The following LRP1B variants were observed in gnomAD, a reference collection of about 807,000 sequenced individuals.
LRP1B encodes low-density lipoprotein receptor-related protein 1B.
In LRP1B, 217 loss-of-function variants were observed where a neutral mutation model predicts 556.6. The ratio of observed to expected loss-of-function variants is 0.39; its 90% CI spans 0.35 to 0.44. The LOEUF is 0.44. LRP1B is among the 20% of genes least tolerant of loss of function. The pLI, the probability that LRP1B is intolerant of heterozygous loss-of-function variation, is 1.00. For missense variants in LRP1B, 5,053 were observed against 5,620.8 expected (o/e 0.90, Z 3.23); for synonymous variants, 2,047 against 1,865.8 (o/e 1.10, Z -2.50).
At chr2:141,611,327 CTTAAT>C (rs1228721243) in intron 2 of LRP1B, among the ~76,000 whole-genome samples, 2 of 152,186 alleles carry the variant, frequency 1.3e-5, no homozygotes, top group African/African-American at 2.4e-5. Context: ...AGACAAGCTG[CTTAAT>C]TTGAGTCTCA....
chr2:141,171,915 C>G lies in LRP1B; in HGVS notation c.1013+16506G>C, dbSNP rs577204870. Among the ~76,000 whole-genome samples, 3 of 152,200 alleles carry G rather than the reference C, an allele frequency of 2.0e-5. No individual in the cohort carries two copies. In the East Asian group the frequency reaches 5.8e-4, roughly 29 times the overall value. ...CAGTAACATTGCTCTTCAGATTATT[C>G]TCCTCCTTTCTCTCTGGCTGTCTCT... is the stretch of plus-strand genomic sequence containing the variant. On this transcript the variant is annotated intron_variant, in intron 7 of 90. Coordinates refer to ENST00000389484, the MANE Select transcript of LRP1B (RefSeq NM_018557.3).
At chr2:140,705,539 A>C (rs1302949379) in intron 37 of LRP1B, among the ~76,000 whole-genome samples, 1 of 33,500 alleles carries the variant, frequency 3.0e-5, no homozygotes, top group African/African-American at 5.8e-5. Context: ...AAAAAAAAAA[A>C]AAAAAAAAAA....
At chr2:141,321,185 G>A (rs1687224947) in intron 3 of LRP1B, among the ~76,000 whole-genome samples, 1 of 152,064 alleles carries the variant, frequency 6.6e-6, no homozygotes, top group African/African-American at 2.4e-5. Context: ...CAGTACTCTT[G>A]AAGCTTTTTT....
chr2:141,470,852 G>T (rs1305231860), intron 3 of LRP1B, among the ~76,000 whole-genome samples: 1 of 152,178 alleles, frequency 6.6e-6, no homozygotes, highest in Non-Finnish European at 1.5e-5. Context: ...TAAAGGACAA[G>T]AGGACAAAAT....
intron 2 of LRP1B, among the ~76,000 whole-genome samples, chr2:141,604,875 A>T (rs13431681): frequency 0.35 from 52,936 of 151,558 alleles, 11,914 homozygotes; most frequent in African/African-American, 0.64. Flanking sequence ...TCCTTTTTCT[A>T]CTTGGATGCG....
At chr2:140,872,775 A>C (rs1256818531) in intron 25 of LRP1B, among the ~76,000 whole-genome samples, 4 of 152,138 alleles carry the variant, frequency 2.6e-5, no homozygotes, top group African/African-American at 9.6e-5. Flanking sequence ...CTTTAATATG[A>C]AAAATTAAGG....
chr2:141,126,188 C>G (rs563084320), intron 7 of LRP1B, among the ~76,000 whole-genome samples: 1 of 152,048 alleles, frequency 6.6e-6, no homozygotes, highest in Non-Finnish European at 1.5e-5. Flanking sequence ...CCTGTCACCA[C>G]GCCTGACTAA....
chr2:142,123,033 A>G (rs2381203), intron 1 of LRP1B, among the ~76,000 whole-genome samples: 64,744 of 151,798 alleles, frequency 0.43, 15,657 homozygotes, highest in East Asian at 0.7. Flanking sequence ...TCTGACTATC[A>G]AAGTTCTCTT....
chr2:140,398,462 G>A (rs909343956), intron 66 of LRP1B, among the ~76,000 whole-genome samples: 3 of 152,086 alleles, frequency 2.0e-5, no homozygotes, highest in Admixed American at 6.6e-5. Flanking sequence ...ACTGTGGAGA[G>A]GGCACTGTCA....
intron 68 of LRP1B, among the ~76,000 whole-genome samples, chr2:140,374,843 G>A (rs1192914906): frequency 1.3e-5 from 2 of 151,952 alleles, no homozygotes; most frequent in African/African-American, 4.8e-5. Context: ...TCTGCAAGTG[G>A]GCTCATTTAA....
At chr2:141,295,658 A>G (rs1248362136) in intron 3 of LRP1B, among the ~76,000 whole-genome samples, 1 of 151,378 alleles carries the variant, frequency 6.6e-6, no homozygotes, top group Non-Finnish European at 1.5e-5. Context: ...CTTTATAGGA[A>G]AGCAATTTAT....
chr2:142,036,922 T>C (rs1336996292), intron 1 of LRP1B, among the ~76,000 whole-genome samples: 1 of 151,732 alleles, frequency 6.6e-6, no homozygotes, highest in African/African-American at 2.4e-5. Flanking sequence ...AAATGGGCAC[T>C]ATACAACTCC....
intron 66 of LRP1B, among the ~76,000 whole-genome samples, chr2:140,393,468 T>C (rs1473153996): frequency 6.6e-6 from 1 of 152,024 alleles, no homozygotes; most frequent in African/African-American, 2.4e-5. Context: ...TTTGAAAATA[T>C]AATGCATAAA....
At chr2:140,684,719 T>C (rs1685988256) in intron 41 of LRP1B, among the ~76,000 whole-genome samples, 2 of 152,234 alleles carry the variant, frequency 1.3e-5, no homozygotes, top group Non-Finnish European at 2.9e-5. Context: ...CATTCTTGTA[T>C]TTCTAATGCA....
chr2:140,729,541 C>T (rs945311842), intron 35 of LRP1B, among the ~76,000 whole-genome samples: 1 of 151,996 alleles, frequency 6.6e-6, no homozygotes, highest in African/African-American at 2.4e-5. Context: ...AAAAAAAATA[C>T]ACAATGATTC....
chr2:140,667,892 T>C (rs1160345320), intron 41 of LRP1B, among the ~76,000 whole-genome samples: 1 of 152,240 alleles, frequency 6.6e-6, no homozygotes, highest in Non-Finnish European at 1.5e-5. Context: ...TCATACTGTG[T>C]TCTTTTGGGG....
intron 3 of LRP1B, among the ~76,000 whole-genome samples, chr2:141,384,929 C>A (rs1287338592): frequency 6.6e-6 from 1 of 152,124 alleles, no homozygotes. Context: ...GCTTGTAAAC[C>A]AATAAATTGG....
At chr2:140,500,244 G>T (rs1243438424) in intron 55 of LRP1B, among the ~76,000 whole-genome samples, 2 of 151,796 alleles carry the variant, frequency 1.3e-5, no homozygotes, top group Non-Finnish European at 2.9e-5. Flanking sequence ...TCTAATTTTT[G>T]CAGGAATTTA....
chr2:141,180,550 G>A (rs887246597), intron 7 of LRP1B, among the ~76,000 whole-genome samples: 1 of 151,820 alleles, frequency 6.6e-6, no homozygotes, highest in Non-Finnish European at 1.5e-5. Context: ...TGTTCATATA[G>A]CTTCCAAAAG....
Sources: gnomAD v4.1 joint callset for allele counts (sites outside exome capture counted in the v4.1 genomes callset) on GRCh38, gnomAD v4.1.1 for gene constraint, MANE v1.5 for transcripts, NCBI Gene and HGNC (gene_info 2026-07-23, HGNC 2026-07-21) for gene names.